The following STAU2 variants were observed in gnomAD, a reference collection of about 807,000 sequenced individuals.
STAU2 encodes staufen double-stranded RNA binding protein 2, also known as double-stranded RNA-binding protein Staufen homolog 2.
In STAU2, 20 loss-of-function variants were observed where a neutral mutation model predicts 65.9. The ratio of observed to expected loss-of-function variants is 0.30; its 90% confidence interval spans 0.21 to 0.44. The LOEUF (loss-of-function observed/expected upper bound fraction) is 0.44, where lower values mean the gene tolerates loss of function less well. Ranked by LOEUF, STAU2 falls within the 20% of genes least tolerant of loss-of-function variation. STAU2 has a pLI of 1.00. For missense variants in STAU2, 558 were observed against 683.9 expected, an observed-to-expected ratio of 0.82 and a Z score of 2.05; for synonymous variants, 232 against 233.9, an observed-to-expected ratio of 0.99 and a Z score of 0.07.
At chr8:73,691,068 T>G (rs528808790) in intron 4 of STAU2, among the ~76,000 whole-genome samples, 1 of 152,270 alleles carries the variant, frequency 6.6e-6, no homozygotes, top group African/African-American at 2.4e-5. Context: ...TAAATGACCT[T>G]GAGATTCCTG....
intron 13 of STAU2, among the ~76,000 whole-genome samples, chr8:73,497,242 A>G (rs1821468302): frequency 6.6e-6 from 1 of 151,718 alleles, no homozygotes; most frequent in South Asian, 2.1e-4. Context: ...TCTATGATGC[A>G]GATTTGGCTC....
rs34533172 is a variant in STAU2 at position 73,591,882 on chromosome 8, T to TAAAAAAAAAAAAAAAAAAAAAAAA, written c.1161+3260_1161+3283dup. Among the ~76,000 whole-genome samples, 25 of 28,474 alleles carry TAAAAAAAAAAAAAAAAAAAAAAAA rather than the reference T, an allele frequency of 8.8e-4. 2 individuals are homozygous for TAAAAAAAAAAAAAAAAAAAAAAAA. The highest frequency in any genetic ancestry group is 2.7e-3 in the East Asian group (1 of 376). 18.7% of individuals were successfully genotyped at this position (28,474 alleles called of 152,430 possible). ...ACCCATACAGCGTGTATCCCAGAGGTAAAAAAAAAAAAAAAAAAAAAAAAA... is the reference window on the plus strand; with the variant it reads ...ACCCATACAGCGTGTATCCCAGAGGTAAAAAAAAAAAAAAAAAAAAAAAAAAAAAAAAAAAAAAAAAAAAAAAAA... On this transcript the variant is annotated intron_variant, in intron 11 of 14. Coordinates refer to ENST00000524300, the MANE Select transcript of STAU2 (RefSeq NM_001164380.2).
At chr8:73,648,581 T>C (rs1815571985) in intron 6 of STAU2, among the ~76,000 whole-genome samples, 1 of 152,198 alleles carries the variant, frequency 6.6e-6, no homozygotes, top group Non-Finnish European at 1.5e-5. Flanking sequence ...GTAACACACA[T>C]TCCTATGGGC....
At chr8:73,544,705 A>AC (rs1452811614) in intron 13 of STAU2, among the ~76,000 whole-genome samples, 2 of 152,092 alleles carry the variant, frequency 1.3e-5, no homozygotes, top group East Asian at 1.9e-4. Context: ...GACATCACTA[A>AC]CCACACTTCG....
rs374516183 is a variant in STAU2 at position 73,490,184 on chromosome 8, A to G, written c.1530+61828T>C. On this transcript the variant is annotated intron_variant, in intron 13 of 14. Transcript: ENST00000524300. ...TTTAAGAGGATGGATGTTCGTGTAA[A>G]TGACAGCAAGGGGAGCTTCGCATAA... is the stretch of plus-strand genomic sequence containing the variant. Among the ~76,000 whole-genome samples, 10 of 152,148 alleles carry G rather than the reference A, an allele frequency of 6.6e-5. No individual in the cohort carries two copies. In the East Asian group the frequency reaches 1.9e-3, roughly 30 times the overall value.
intron 5 of STAU2, among the ~76,000 whole-genome samples, chr8:73,686,656 TG>T (rs1182775342): frequency 6.6e-6 from 1 of 151,050 alleles, no homozygotes; most frequent in East Asian, 1.9e-4. Flanking sequence ...GGGTGATGGG[TG>T]CAACAAAATC....
intron 12 of STAU2, among the ~76,000 whole-genome samples, chr8:73,564,323 T>A (rs1234515507): frequency 6.6e-6 from 1 of 152,182 alleles, no homozygotes; most frequent in Non-Finnish European, 1.5e-5. Flanking sequence ...AAGAATGAGA[T>A]CATGTCCTTT....
intron 11 of STAU2, among the ~76,000 whole-genome samples, chr8:73,585,545 C>A (rs1308911324): frequency 1.3e-5 from 2 of 152,160 alleles, no homozygotes; most frequent in African/African-American, 2.4e-5. Context: ...GAGAGCTATG[C>A]CTAACTTCAA....
At chr8:73,569,286 T>G (rs1470049982) in intron 12 of STAU2, among the ~76,000 whole-genome samples, 1 of 151,672 alleles carries the variant, frequency 6.6e-6, no homozygotes, top group African/African-American at 2.4e-5. Context: ...TGCTGAGGCT[T>G]GAGTAGGTAA....
Position 73,688,640 on chromosome 8 carries a change from A to G in STAU2, c.274+14T>C, listed in dbSNP as rs1302058583. 2 of 1,613,896 alleles carry G rather than the reference A, an allele frequency of 1.2e-6. No homozygotes were observed. Among genetic ancestry groups the G allele is most frequent in the Non-Finnish European group, 1.7e-6 (2 of 1,179,896 alleles). ...ACATAGCAGACAACATAACAGAAGGAGTCACTGCCATACCTGGGTTATTGT... is the reference window on the plus strand; with the variant it reads ...ACATAGCAGACAACATAACAGAAGGGGTCACTGCCATACCTGGGTTATTGT... On this transcript the variant is annotated intron_variant, in intron 5 of 14. Transcript: ENST00000524300.
intron 3 of STAU2, among the ~76,000 whole-genome samples, chr8:73,729,107 A>G (rs1438739441): frequency 6.6e-6 from 1 of 152,172 alleles, no homozygotes; most frequent in Non-Finnish European, 1.5e-5. Context: ...GTTCCCTACT[A>G]TTCCTGATTT....
intron 13 of STAU2, among the ~76,000 whole-genome samples, chr8:73,502,220 AAT>A (rs1037826451): frequency 6.6e-6 from 1 of 151,958 alleles, no homozygotes; most frequent in Non-Finnish European, 1.5e-5. Context: ...TAATGTTACC[AAT>A]AGAGCATTAT....
At chr8:73,677,264 G>A (rs967244425) in intron 5 of STAU2, among the ~76,000 whole-genome samples, 2 of 152,098 alleles carry the variant, frequency 1.3e-5, no homozygotes, top group Non-Finnish European at 1.5e-5. Flanking sequence ...CTCTCATACC[G>A]CTGGTGGGAA....
intron 13 of STAU2, among the ~76,000 whole-genome samples, chr8:73,530,254 C>T (rs1231654665): frequency 6.6e-6 from 1 of 152,144 alleles, no homozygotes; most frequent in Non-Finnish European, 1.5e-5. Context: ...CACAAAAGAA[C>T]CTAATCTCAG....
At chr8:73,688,628 C>G in intron 5 of STAU2, 26 bp downstream of exon 5, 2 of 1,610,418 alleles carry the variant, frequency 1.2e-6, no homozygotes, top group Non-Finnish European at 1.7e-6. Flanking sequence ...TAGCAGACAA[C>G]ATAACAGAAG....
intron 5 of STAU2, among the ~76,000 whole-genome samples, chr8:73,675,790 T>C (rs1817996394): frequency 6.6e-6 from 1 of 152,230 alleles, no homozygotes; most frequent in African/African-American, 2.4e-5. Context: ...TGGTCTTGAT[T>C]AGCTCCTGGA....
intron 13 of STAU2, among the ~76,000 whole-genome samples, chr8:73,490,076 C>A (rs1224529901): frequency 5.3e-5 from 8 of 152,070 alleles, no homozygotes; most frequent in Admixed American, 5.2e-4. Flanking sequence ...ACTTAAAAGT[C>A]ATTTCCTTAA....
intron 13 of STAU2, among the ~76,000 whole-genome samples, chr8:73,528,859 T>C (rs1805614500): frequency 6.6e-6 from 1 of 152,168 alleles, no homozygotes. Context: ...TATATTTTTA[T>C]TGCAGAATAT....
chr8:73,505,331 A>C (rs751049205), intron 13 of STAU2, among the ~76,000 whole-genome samples: 4 of 152,106 alleles, frequency 2.6e-5, no homozygotes. Context: ...GAGGAAACAC[A>C]ATGATCAAGA....
Sources: allele counts gnomAD v4.1 joint callset (sites outside exome capture counted in the v4.1 genomes callset), GRCh38; gene constraint gnomAD v4.1.1; transcripts MANE v1.5; gene names NCBI Gene and HGNC (gene_info 2026-07-23, HGNC 2026-07-21).